Variants in AGMO observed in about 807,000 individuals in gnomAD.
The protein encoded by AGMO is alkylglycerol monooxygenase.
A neutral mutation model predicts 60.2 loss-of-function variants in AGMO; 75 were observed. The ratio of observed to expected loss-of-function variants is 1.25; its 90% CI spans 1.03 to 1.51. The LOEUF (loss-of-function observed/expected upper bound fraction) is 1.51, where lower values mean the gene tolerates loss of function less well. AGMO is among the 40% of genes most tolerant of loss of function. The probability of loss-of-function intolerance (pLI) is 0.00; values close to 1 mark genes in which losing one functional copy is unlikely to be tolerated. For missense variants in AGMO, 763 were observed against 525.5 expected, an observed-to-expected ratio of 1.45 and a Z score of -4.42; for synonymous variants, 261 against 177.1, an observed-to-expected ratio of 1.47 and a Z score of -3.76.
At chr7:15,412,315 G>C (rs1429977743) in intron 5 of AGMO, among the ~76,000 whole-genome samples, 1 of 152,068 alleles carries the variant, frequency 6.6e-6, no homozygotes, top group East Asian at 1.9e-4. Context: ...AGAAGAATTT[G>C]TTTTCCTGAT....
At chr7:15,256,571 C>T (rs970009423) in intron 12 of AGMO, among the ~76,000 whole-genome samples, 4 of 152,078 alleles carry the variant, frequency 2.6e-5, no homozygotes, top group Admixed American at 2.6e-4. Flanking sequence ...CACATATTAG[C>T]CAGGATGGTC....
intron 3 of AGMO, among the ~76,000 whole-genome samples, chr7:15,527,286 C>A (rs1379182552): frequency 2.6e-5 from 4 of 152,202 alleles, no homozygotes; most frequent in South Asian, 2.1e-4. Flanking sequence ...AAGTTCTAGT[C>A]CAGTGAACAT....
intron 3 of AGMO, among the ~76,000 whole-genome samples, chr7:15,535,190 G>C (rs1023895911): frequency 2.0e-5 from 3 of 151,762 alleles, no homozygotes; most frequent in East Asian, 1.9e-4. Context: ...TATTTACAGA[G>C]CCTGTCTCTC....
At chr7:15,300,830 C>T (rs1784543502) in intron 12 of AGMO, among the ~76,000 whole-genome samples, 1 of 152,126 alleles carries the variant, frequency 6.6e-6, no homozygotes, top group Non-Finnish European at 1.5e-5. Flanking sequence ...ACTCTAAAGC[C>T]AAACAACAGC....
chr7:15,544,712 G>C, intron 3 of AGMO, 60 bp downstream of exon 3: 2 of 1,303,814 alleles, frequency 1.5e-6, no homozygotes, highest in Non-Finnish European at 2.0e-6. Flanking sequence ...TACTGAATAT[G>C]TACTATGTAC....
At chr7:15,360,939 T>TTA (rs5882500) in intron 12 of AGMO, among the ~76,000 whole-genome samples, 53,862 of 151,776 alleles carry the variant, frequency 0.35, 10,149 homozygotes, top group African/African-American at 0.48. Context: ...ACCAGATAAA[T>TTA]TATAAATAAA....
chr7:15,447,565 T>G (rs959444839), intron 3 of AGMO, among the ~76,000 whole-genome samples: 2 of 152,178 alleles, frequency 1.3e-5, no homozygotes, highest in Non-Finnish European at 2.9e-5. Context: ...TTTTTCTTTT[T>G]TTTTAGATAG....
intron 5 of AGMO, among the ~76,000 whole-genome samples, chr7:15,401,680 G>A (rs999918788): frequency 2.6e-5 from 4 of 152,092 alleles, no homozygotes; most frequent in Non-Finnish European, 5.9e-5. Flanking sequence ...ATGGTTAATT[G>A]TAAAGTTCAT....
chr7:15,560,298 T>C (rs1483309296), intron 1 of AGMO, 27 bp from the exon 2 acceptor site: 4 of 1,608,340 alleles, frequency 2.5e-6, no homozygotes, highest in African/African-American at 2.7e-5. Context: ...AGAAAAGAGA[T>C]GCTATTATGT....
chr7:15,458,721 C>G (rs139511914), intron 3 of AGMO, among the ~76,000 whole-genome samples: 1 of 152,002 alleles, frequency 6.6e-6, no homozygotes, highest in African/African-American at 2.4e-5. Context: ...ATTATTAATA[C>G]CTCTGCTTTA....
At chr7:15,465,417 A>C (rs1289708262) in intron 3 of AGMO, among the ~76,000 whole-genome samples, 3 of 150,762 alleles carry the variant, frequency 2.0e-5, no homozygotes, top group Non-Finnish European at 4.4e-5. Flanking sequence ...ACAGAATAAA[A>C]GTCTCAAAGT....
At chr7:15,237,565 A>C (rs1281288257) in intron 12 of AGMO, among the ~76,000 whole-genome samples, 1 of 152,056 alleles carries the variant, frequency 6.6e-6, no homozygotes, top group Non-Finnish European at 1.5e-5. Flanking sequence ...AGTCTGTTTC[A>C]GAAGGTAGAA....
At chr7:15,301,545 T>C (rs959687739) in intron 12 of AGMO, among the ~76,000 whole-genome samples, 6 of 151,414 alleles carry the variant, frequency 4.0e-5, no homozygotes, top group Non-Finnish European at 8.8e-5. Context: ...TAGTTCTCAA[T>C]ACATTTTCTA....
the AGMO span, among the ~76,000 whole-genome samples, chr7:15,122,584 C>T: frequency 6.6e-6 from 1 of 152,126 alleles, no homozygotes; most frequent in Non-Finnish European, 1.5e-5. Context: ...CCTGCTCCTC[C>T]AGAAATCTGT....
At chr7:15,345,207 T>C (rs561423520) in intron 12 of AGMO, among the ~76,000 whole-genome samples, 2 of 152,328 alleles carry the variant, frequency 1.3e-5, no homozygotes, top group South Asian at 2.1e-4. Flanking sequence ...GTGCACTGTA[T>C]ACCCATCAGT....
intron 5 of AGMO, among the ~76,000 whole-genome samples, chr7:15,410,922 A>G (rs1406770224): frequency 1.3e-5 from 2 of 152,060 alleles, no homozygotes; most frequent in South Asian, 2.1e-4. Flanking sequence ...CCTCACAACA[A>G]TGTATACCCT....
chr7:15,314,770 A>T (rs1361777360), intron 12 of AGMO, among the ~76,000 whole-genome samples: 1 of 152,134 alleles, frequency 6.6e-6, no homozygotes, highest in Admixed American at 6.6e-5. Context: ...AAGCTTATGA[A>T]TCTTAAGACA....
intron 3 of AGMO, among the ~76,000 whole-genome samples, chr7:15,441,945 T>C (rs1019230191): frequency 2.6e-5 from 4 of 152,216 alleles, no homozygotes; most frequent in Admixed American, 6.5e-5. Flanking sequence ...CCAGGATCTC[T>C]TTGCTACTAA....
the AGMO span, among the ~76,000 whole-genome samples, chr7:15,154,666 T>C: frequency 1.3e-5 from 2 of 152,222 alleles, no homozygotes; most frequent in Non-Finnish European, 2.9e-5. Context: ...GGTTGTTATA[T>C]AGACTTGATT....
Sources: allele counts gnomAD v4.1 joint callset (sites outside exome capture counted in the v4.1 genomes callset), GRCh38; gene constraint gnomAD v4.1.1; transcripts MANE v1.5; gene names NCBI Gene and HGNC (gene_info 2026-07-23, HGNC 2026-07-21).